The following IL20RA variants were observed in gnomAD, a reference collection of about 807,000 sequenced individuals.
IL20RA encodes interleukin-20 receptor subunit alpha.
Under a neutral mutation model 36.5 loss-of-function variants are expected in IL20RA, and 29 were observed. The observed-to-expected ratio is 0.79, with a 90% confidence interval of 0.59 to 1.08. The LOEUF is 1.08. Ranked by LOEUF, IL20RA falls within the 50% of genes least tolerant of loss-of-function variation. IL20RA has a pLI of 0.00. For synonymous variants in IL20RA, 279 were observed against 267.1 expected (o/e 1.04, Z -0.43); for missense variants, 652 against 668.4 (o/e 0.98, Z 0.27).
rs775504049 is a variant in IL20RA at position 137,001,757 on chromosome 6, C to T, written c.1463G>A (p.Arg488Lys). ...TLVDWDPQTG[R>K]LCIPSLSSFD... ...GCTGGACAGCGAAGGAATACACAGC[C>T]TGCCAGTTTGGGGATCCCAGTCGAC... Residue 488 changes from arginine (R) to lysine (K), a missense_variant, in exon 7 of 7, where the codon AGG becomes AAG. Arg to Lys is a conservative substitution (Grantham distance 26). Transcript: ENST00000316649. The T allele has an allele frequency of 1.1e-5, 18 of 1,612,482 alleles. No individual in the cohort carries two copies. The highest frequency in any genetic ancestry group is 1.5e-5 in the Non-Finnish European group (18 of 1,178,862).
At chr6:137,006,037 G>A (rs1366612965) in intron 5 of IL20RA, among the ~76,000 whole-genome samples, 2 of 152,208 alleles carry the variant, frequency 1.3e-5, no homozygotes, top group Non-Finnish European at 1.5e-5. Flanking sequence ...AGGAAAAAGA[G>A]CAGCTTCAGC....
At chr6:137,021,117 C>G (rs1277391944) in intron 1 of IL20RA, among the ~76,000 whole-genome samples, 4 of 151,490 alleles carry the variant, frequency 2.6e-5, no homozygotes, top group Non-Finnish European at 5.9e-5. Context: ...CAAAGCACAT[C>G]TTGTCTCTCT....
At chr6:137,030,678 CATT>C (rs1247080266) in intron 1 of IL20RA, among the ~76,000 whole-genome samples, 1 of 152,112 alleles carries the variant, frequency 6.6e-6, no homozygotes, top group African/African-American at 2.4e-5. Context: ...CAATAACAAA[CATT>C]ATTTTTGTTG....
In IL20RA at chr6:137,030,070, GTTTTTTTTT is replaced by G. The variant is rs1188809232; in HGVS notation, c.89-12976_89-12968del. On this transcript the variant is annotated intron_variant, in intron 1 of 6. Coordinates refer to ENST00000316649, the MANE Select transcript of IL20RA (RefSeq NM_014432.4). Reference sequence around the variant, plus strand: ...GGTGGAAAATGTCAGCGGTTTGCGGGTTTTTTTTTTTTTTTTTTTTTTTTTTTTGAGACA... The same window carrying G: ...GGTGGAAAATGTCAGCGGTTTGCGGGTTTTTTTTTTTTTTTTTTTGAGACA... Among the ~76,000 whole-genome samples, 95 of 62,862 alleles carry G rather than the reference GTTTTTTTTT, an allele frequency of 1.5e-3. No individual in the cohort carries two copies. The East Asian group carries it at 0.041, about 27-fold the overall frequency. 41.2% of individuals were successfully genotyped at this position (62,862 alleles called of 152,430 possible). A position where few individuals can be genotyped will look rare whatever the true frequency, so the allele number is the denominator to read the frequency against.
At chr6:137,021,876 A>G (rs533740492) in intron 1 of IL20RA, among the ~76,000 whole-genome samples, 1 of 152,290 alleles carries the variant, frequency 6.6e-6, no homozygotes, top group African/African-American at 2.4e-5. Context: ...TACACAAACC[A>G]ACTCATTCAG....
At position 137,004,769 on chromosome 6, in the gene IL20RA, A is replaced by G. The variant is rs550439942; in HGVS notation, c.725-9T>C. On this transcript the variant is annotated splice_polypyrimidine_tract_variant and intron_variant, in intron 5 of 6. Coordinates refer to ENST00000316649, the MANE Select transcript of IL20RA (RefSeq NM_014432.4). ...GAACTCTGATGATTGATCTGTAAAA[A>G]AAAAAAAAAAGGTGGGAATTCGGGG... 1.4e-4 allele frequency: 219 copies of G among 1,561,764 alleles called. 1 individual carries two copies. The East Asian group carries it at 3.5e-3, about 25-fold the overall frequency.
chr6:137,041,282 A>G (rs1007718527), intron 1 of IL20RA, among the ~76,000 whole-genome samples: 1 of 152,224 alleles, frequency 6.6e-6, no homozygotes, highest in Non-Finnish European at 1.5e-5. Flanking sequence ...GAAACAGAAA[A>G]AGGGCATTAT....
chr6:137,013,388 C>T (rs965628231), intron 2 of IL20RA, among the ~76,000 whole-genome samples: 4 of 152,200 alleles, frequency 2.6e-5, no homozygotes, highest in African/African-American at 9.6e-5. Flanking sequence ...AGCAAATATT[C>T]CAGTAATGAC....
chr6:137,004,174 T>TTTTTTTTTTTG lies in IL20RA; in HGVS notation c.864+446_864+447insCAAAAAAAAAA, dbSNP rs1775191275. On this transcript the variant is annotated intron_variant, in intron 6 of 6. Transcript: ENST00000316649. ...ATCCAGAAAGCTTTTTTTTTTTTTT[T>TTTTTTTTTTTG]TTTTTTTTTTTGAGACAGAGCCTCA... is the stretch of plus-strand genomic sequence containing the variant. Among the ~76,000 whole-genome samples, 198 of 124,478 alleles carry TTTTTTTTTTTG rather than the reference T, an allele frequency of 1.6e-3. 7 individuals are homozygous for TTTTTTTTTTTG. Among genetic ancestry groups the TTTTTTTTTTTG allele is most frequent in the African/African-American group, 5.6e-3 (179 of 31,846 alleles). The allele number at this position is 124,478 out of a possible 152,430, so 81.7% of individuals were successfully genotyped here. A position where few individuals can be genotyped will look rare whatever the true frequency, so the allele number is the denominator to read the frequency against.
chr6:137,029,617 G>C (rs954807750), intron 1 of IL20RA, among the ~76,000 whole-genome samples: 14 of 152,250 alleles, frequency 9.2e-5, no homozygotes, highest in Admixed American at 9.2e-4. Flanking sequence ...ATAGTAACTG[G>C]AAAAGTAGAT....
chr6:137,016,832 AAACTT>A, intron 2 of IL20RA, 131 bp downstream of exon 2: 1 of 824,622 alleles, frequency 1.2e-6, no homozygotes, highest in South Asian at 1.8e-5. Context: ...AACATCCAGA[AAACTT>A]AACCTGAAAT....
intron 1 of IL20RA, among the ~76,000 whole-genome samples, chr6:137,036,013 G>T (rs541578082): frequency 6.6e-6 from 1 of 152,184 alleles, no homozygotes; most frequent in Non-Finnish European, 1.5e-5. Context: ...TCTCAGAAGA[G>T]TGAGCTCCTC....
intron 1 of IL20RA, among the ~76,000 whole-genome samples, chr6:137,034,751 T>C (rs994023041): frequency 3.3e-5 from 5 of 151,698 alleles, no homozygotes; most frequent in Non-Finnish European, 7.4e-5. Context: ...CCACCCTGGC[T>C]AACACGGTGA....
chr6:137,019,606 A>C (rs1775828577), intron 1 of IL20RA, among the ~76,000 whole-genome samples: 1 of 152,196 alleles, frequency 6.6e-6, no homozygotes, highest in African/African-American at 2.4e-5. Context: ...CTTCTGAAAT[A>C]AACTATACTC....
chr6:137,019,471 C>T (rs1395082367), intron 1 of IL20RA, among the ~76,000 whole-genome samples: 1 of 152,024 alleles, frequency 6.6e-6, no homozygotes, highest in Non-Finnish European at 1.5e-5. Context: ...ACAGAGCTCT[C>T]AAGATGCCTA....
chr6:137,029,804 CA>C (rs1239928343), intron 1 of IL20RA, among the ~76,000 whole-genome samples: 1 of 152,086 alleles, frequency 6.6e-6, no homozygotes, highest in Non-Finnish European at 1.5e-5. Context: ...CTTTATTCCT[CA>C]AATCATTTTC....
chr6:137,008,812 T>C lies in IL20RA; in HGVS notation c.580-69A>G, dbSNP rs531951310. On this transcript the variant is annotated intron_variant, in intron 4 of 6. Coordinates refer to ENST00000316649, the MANE Select transcript of IL20RA (RefSeq NM_014432.4). ...TGGGACCACCCCAGACAAATAACTG[T>C]AGAAGGAAATAGAAGACCAAGGCAC... 15 of 1,145,610 alleles carry C rather than the reference T, an allele frequency of 1.3e-5. 1 individual carries two copies. The Admixed American group carries it at 3.1e-4, about 23-fold the overall frequency. The allele number at this position is 1,145,610 out of a possible 1,614,324, so 71.0% of individuals were successfully genotyped here.
At chr6:137,007,261 A>G (rs1306526120) in intron 5 of IL20RA, among the ~76,000 whole-genome samples, 1 of 152,244 alleles carries the variant, frequency 6.6e-6, no homozygotes, top group African/African-American at 2.4e-5. Context: ...TATATGGTAG[A>G]GACTCCTTCA....
At chr6:137,023,988 G>A (rs1775998570) in intron 1 of IL20RA, among the ~76,000 whole-genome samples, 1 of 152,152 alleles carries the variant, frequency 6.6e-6, no homozygotes, top group Admixed American at 6.5e-5. Flanking sequence ...CAGCTACTTG[G>A]GAGGCTGAGG....
Sources: allele counts gnomAD v4.1 joint callset (sites outside exome capture counted in the v4.1 genomes callset), GRCh38; gene constraint gnomAD v4.1.1; transcripts MANE v1.5; gene names NCBI Gene and HGNC (gene_info 2026-07-23, HGNC 2026-07-21).